Variants in RUNX1T1 observed in about 807,000 individuals in gnomAD.
The protein encoded by RUNX1T1 is RUNX1 partner transcriptional co-repressor 1.
RUNX1T1 carries 4 observed loss-of-function variants against 62.8 expected under a neutral mutation model. The ratio of observed to expected loss-of-function variants is 0.06; its 90% CI spans 0.03 to 0.15. The LOEUF is 0.15. RUNX1T1 is among the 10% of genes least tolerant of loss of function. The probability of loss-of-function intolerance (pLI) is 1.00; values close to 1 mark genes in which losing one functional copy is unlikely to be tolerated. For synonymous variants in RUNX1T1, 291 were observed against 286.0 expected, an observed-to-expected ratio of 1.02 and a Z score of -0.18; for missense variants, 508 against 754.3, an observed-to-expected ratio of 0.67 and a Z score of 3.82.
chr8:92,061,798 G>A (rs1832076790), intron 1 of RUNX1T1, among the ~76,000 whole-genome samples: 1 of 152,094 alleles, frequency 6.6e-6, no homozygotes, highest in South Asian at 2.1e-4. Context: ...AAGATAGGAA[G>A]CTCCAAATTA....
At chr8:92,053,195 T>A (rs1051097165) in intron 1 of RUNX1T1, among the ~76,000 whole-genome samples, 1 of 151,926 alleles carries the variant, frequency 6.6e-6, no homozygotes, top group African/African-American at 2.4e-5. Context: ...CGCTCTAGAG[T>A]CTTTAAGATA....
chr8:92,072,445 A>C (rs1186622368), intron 2 of RUNX1T1, among the ~76,000 whole-genome samples: 1 of 152,194 alleles, frequency 6.6e-6, no homozygotes, highest in Non-Finnish European at 1.5e-5. Flanking sequence ...TTATATACAT[A>C]TATATAATTA....
intron 1 of RUNX1T1, among the ~76,000 whole-genome samples, chr8:92,055,429 C>T (rs957595207): frequency 9.9e-5 from 15 of 152,036 alleles, no homozygotes; most frequent in Non-Finnish European, 1.6e-4. Flanking sequence ...GGAGGCACTT[C>T]GCGTTTGTAT....
At position 91,991,626 on chromosome 8, in the gene RUNX1T1, C is replaced by G. The variant is rs1246713610; in HGVS notation, c.910+13G>C. 1 of 1,609,578 alleles carries G rather than the reference C, an allele frequency of 6.2e-7. No individual in the cohort carries two copies. Among genetic ancestry groups the G allele is most frequent in the South Asian group, 1.1e-5 (1 of 90,848 alleles). On this transcript the variant is annotated intron_variant, in intron 6 of 10. Coordinates refer to ENST00000396218, the Ensembl canonical transcript of RUNX1T1. ...CCAATCCCGTAAGAAGTGAACAGGT[C>G]CTTCAGTCTTACCCATAGGTCTGTT...
intron 10 of RUNX1T1, among the ~76,000 whole-genome samples, chr8:91,960,753 G>C (rs1810261184): frequency 6.6e-6 from 1 of 152,208 alleles, no homozygotes; most frequent in African/African-American, 2.4e-5. Context: ...CAAAGCAGTT[G>C]AAGACTTTTT....
intron 5 of RUNX1T1, among the ~76,000 whole-genome samples, chr8:91,997,811 T>C (rs1397845524): frequency 1.3e-5 from 2 of 152,016 alleles, no homozygotes; most frequent in Non-Finnish European, 2.9e-5. Flanking sequence ...CCAAGTCCCA[T>C]CCCTAGACTG....
At chr8:92,075,886 A>G in intron 2 of RUNX1T1, 79 bp downstream of exon 2, 1 of 1,296,416 alleles carries the variant, frequency 7.7e-7, no homozygotes. Flanking sequence ...CTTTACAATT[A>G]TAATTTATTG....
At chr8:92,102,867 G>T (rs1045505761), upstream of RUNX1T1, 2 of 1,522,452 alleles carry the variant, frequency 1.3e-6, no homozygotes, top group Admixed American at 2.0e-5. This position sits in a 1 kb window ranked among gnomAD's most constrained non-coding sequence, Gnocchi z 4.5. Context: ...ACTGCACAGG[G>T]CCGGAGAGTC....
rs1014169875 is a variant in RUNX1T1 at position 91,984,612 on chromosome 8, A to T, written c.1198+1512T>A. Reference sequence around the variant, plus strand: ...GAATGTGTTCAATAGAATAAGCCAAACTAGATGTTTTAACTCCCTAAGTTT... The same window carrying T: ...GAATGTGTTCAATAGAATAAGCCAATCTAGATGTTTTAACTCCCTAAGTTT... On this transcript the variant is annotated intron_variant, in intron 8 of 10. Coordinates refer to ENST00000396218, the Ensembl canonical transcript of RUNX1T1. 2.0e-5 allele frequency among the ~76,000 whole-genome samples: 3 copies of T among 152,310 alleles called. No homozygotes were observed. The South Asian group carries it at 6.2e-4, about 32-fold the overall frequency.
intron 1 of RUNX1T1, among the ~76,000 whole-genome samples, chr8:92,046,366 TA>T (rs1190448451): frequency 6.6e-6 from 1 of 151,904 alleles, no homozygotes; most frequent in African/African-American, 2.4e-5. Context: ...ATACAAAGAT[TA>T]AAAAAAATTT....
chr8:92,011,134 TA>T, intron 3 of RUNX1T1, 43 bp from the exon 5 acceptor site: 1 of 1,094,738 alleles, frequency 9.1e-7, no homozygotes. Flanking sequence ...AGCCTGTTGG[TA>T]AATAGTAAAA....
exon 1 of RUNX1T1, chr8:92,099,659 T>TTTGCTATGAAGGGCTATG: frequency 1.0e-6 from 1 of 985,416 alleles, no homozygotes; most frequent in South Asian, 4.7e-5. Flanking sequence ...TTCAGACTGC[T>TTTGCTATGAAGGGCTATG]TTGCTATGAA....
At chr8:91,979,888 C>G (rs1213029046) in intron 8 of RUNX1T1, 1 of 530,296 alleles carries the variant, frequency 1.9e-6, no homozygotes, top group Non-Finnish European at 3.7e-6. Context: ...TGACCCAGGA[C>G]AGCAATGCTC....
intron 2 of RUNX1T1, among the ~76,000 whole-genome samples, chr8:92,016,593 T>G (rs756369319): frequency 1.7e-4 from 26 of 152,068 alleles, no homozygotes; most frequent in Non-Finnish European, 3.5e-4. Context: ...GAGAATCGCT[T>G]GAACTTGGGA....
intron 1 of RUNX1T1, among the ~76,000 whole-genome samples, chr8:92,038,736 T>C (rs188463920): frequency 4.3e-4 from 65 of 152,258 alleles, no homozygotes; most frequent in Non-Finnish European, 7.9e-4. Context: ...CTACTTAATA[T>C]AGCAAAGTAA....
At chr8:92,021,237 G>C (rs1824031745) in intron 1 of RUNX1T1, among the ~76,000 whole-genome samples, 1 of 152,196 alleles carries the variant, frequency 6.6e-6, no homozygotes, top group South Asian at 2.1e-4. Context: ...CAGGAAAGAA[G>C]AAGGAAGCTA....
intron 4 of RUNX1T1, among the ~76,000 whole-genome samples, chr8:92,009,076 A>C (rs1249456839): frequency 6.6e-6 from 1 of 152,152 alleles, no homozygotes. Context: ...TTCAAATTTA[A>C]ACGTATGGAT....
intron 5 of RUNX1T1, 80 bp downstream of exon 6, chr8:92,005,036 A>T: frequency 8.0e-7 from 1 of 1,254,494 alleles, no homozygotes; most frequent in Non-Finnish European, 1.1e-6. Flanking sequence ...CCAGCGGTTT[A>T]ATTGTGACAT....
At chr8:92,029,668 C>T (rs1220082209) in intron 1 of RUNX1T1, among the ~76,000 whole-genome samples, 1 of 152,156 alleles carries the variant, frequency 6.6e-6, no homozygotes, top group East Asian at 1.9e-4. Context: ...CCTCCATGTG[C>T]CTCTCCATTT....
Sources: allele counts gnomAD v4.1 joint callset (sites outside exome capture counted in the v4.1 genomes callset), GRCh38; gene constraint gnomAD v4.1.1; non-coding constraint Gnocchi (gnomAD v3.1); transcripts MANE v1.5; gene names NCBI Gene and HGNC (gene_info 2026-07-23, HGNC 2026-07-21).